The following SUV39H2 variants were observed in gnomAD, a reference collection of about 807,000 sequenced individuals.
The protein encoded by SUV39H2 is SUV39H2 histone lysine methyltransferase.
Under a neutral mutation model 47.5 loss-of-function variants are expected in SUV39H2, and 10 were observed. The ratio of observed to expected loss-of-function variants is 0.21; its 90% CI spans 0.13 to 0.36. SUV39H2 has a LOEUF of 0.36. SUV39H2 is among the 10% of genes least tolerant of loss of function. SUV39H2 has a pLI of 1.00. For missense variants in SUV39H2, 266 were observed against 487.4 expected, an observed-to-expected ratio of 0.55 and a Z score of 4.28; for synonymous variants, 159 against 166.8, an observed-to-expected ratio of 0.95 and a Z score of 0.36.
rs1006084833 is a variant in SUV39H2, at chr10:14,899,775, A to G, written c.996+90A>G. ...TAAAGAATAATTCCCTTTAAACTAC[A>G]TATCCTTTTAACATTTCCAAAATAT... On this transcript the variant is annotated intron_variant, in intron 4 of 5. Coordinates refer to ENST00000354919, the MANE Select transcript of SUV39H2 (RefSeq NM_001193424.2). 9 of 1,433,942 alleles carry G rather than the reference A, an allele frequency of 6.3e-6. No individual in the cohort carries two copies. In the Admixed American group the frequency reaches 1.8e-4, roughly 28 times the overall value. 88.8% of individuals were successfully genotyped at this position (1,433,942 alleles called of 1,614,324 possible).
At position 14,903,930 on chromosome 10, in the gene SUV39H2, A is replaced by G. The variant is rs1834183952; in HGVS notation, c.*1418A>G. ...GCTAGACTTTATTCATTATATTGCT[A>G]TGACAACTTCACTCTTTCATAATAT... On this transcript the variant is annotated 3_prime_UTR_variant, in exon 6 of 6. Coordinates refer to ENST00000354919, the MANE Select transcript of SUV39H2 (RefSeq NM_001193424.2). 6.6e-6 allele frequency: 1 copy of G among 152,192 alleles called. No individual in the cohort carries two copies. Among genetic ancestry groups the G allele is most frequent in the Admixed American group, 6.5e-5 (1 of 15,288 alleles). The allele number at this position is 152,192 out of a possible 1,614,324, so 9.4% of individuals were successfully genotyped here.
In SUV39H2 at chr10:14,893,811, G is replaced by A. The variant is rs568428936; in HGVS notation, c.178-3035G>A. 2.6e-5 allele frequency among the ~76,000 whole-genome samples: 4 copies of A among 152,284 alleles called. No homozygotes were observed. In the South Asian group the frequency reaches 8.3e-4, roughly 32 times the overall value. On this transcript the variant is annotated intron_variant, in intron 2 of 5. Transcript: ENST00000354919. ...CAAAACTTGGTCATTTAAAATGCAA[G>A]TGATTCACTAAGATTAAATACAATT...
In SUV39H2 at chr10:14,899,611, C is replaced by T. The variant is rs148667087; in HGVS notation, c.922C>T (p.Leu308=). 6.2e-4 allele frequency: 995 copies of T among 1,613,994 alleles called. No individual in the cohort carries two copies. The highest frequency in any genetic ancestry group is 8.3e-4 in the Non-Finnish European group (977 of 1,180,024). ...CAAGGGAATCACGTATCTCTTTGAT[C>T]TGGACTATGAGTCTGATGAATTCAC... is the stretch of plus-strand genomic sequence containing the variant. ...DNKGITYLFD[L]DYESDEFTVD... The change falls in exon 4 of 6, where the codon CTG becomes TTG. Residue 308 remains leucine (L), a synonymous_variant. Coordinates refer to ENST00000354919, the MANE Select transcript of SUV39H2 (RefSeq NM_001193424.2).
At chr10:14,890,030 T>TAA (rs1833338011) in intron 2 of SUV39H2, among the ~76,000 whole-genome samples, 1 of 152,216 alleles carries the variant, frequency 6.6e-6, no homozygotes, top group South Asian at 2.1e-4. Flanking sequence ...TTTGGTTTCT[T>TAA]AAAGTATACA....
chr10:14,899,750 T>C, intron 4 of SUV39H2, 65 bp downstream of exon 4: 1 of 1,549,108 alleles, frequency 6.5e-7, no homozygotes, highest in Non-Finnish European at 8.8e-7. Flanking sequence ...TTTCCATAGC[T>C]AAAGAATAAT....
chr10:14,895,983 G>A (rs1378643511), intron 2 of SUV39H2, among the ~76,000 whole-genome samples: 3 of 146,992 alleles, frequency 2.0e-5, no homozygotes, highest in African/African-American at 7.6e-5. Flanking sequence ...GCACTCTGTC[G>A]CCCACGCTGG....
intron 1 of SUV39H2, chr10:14,880,105 T>C (rs1444969235): frequency 6.6e-6 from 1 of 152,170 alleles, no homozygotes; most frequent in East Asian, 1.9e-4. Context: ...TTTTTGTAGA[T>C]GGAAGGGACT....
chr10:14,900,789 A>T (rs1833952755), intron 4 of SUV39H2, among the ~76,000 whole-genome samples: 1 of 152,158 alleles, frequency 6.6e-6, no homozygotes, highest in Admixed American at 6.5e-5. Context: ...TGAAATAGTT[A>T]CCAGTGAAAT....
At position 14,890,215 on chromosome 10, in the gene SUV39H2, G is replaced by C. The variant is rs149420393; in HGVS notation, c.178-6631G>C. On this transcript the variant is annotated intron_variant, in intron 2 of 5. Transcript: ENST00000354919. The stretch of plus-strand genomic sequence containing the variant: ...GTATTTGAGAGATCAGGAAATTACA[G>C]CTCTAAGAAAATACTTTAACAATCA... Among the ~76,000 whole-genome samples, 954 of 152,264 alleles carry C rather than the reference G, an allele frequency of 6.3e-3. 9 individuals are homozygous for C. The highest frequency in any genetic ancestry group is 0.022 in the African/African-American group (901 of 41,550).
At chr10:14,881,441 T>C in intron 1 of SUV39H2, 59 bp from the exon 2 acceptor site, 1 of 1,305,778 alleles carries the variant, frequency 7.7e-7, no homozygotes, top group Non-Finnish European at 9.8e-7. Context: ...TAAGTTTCTC[T>C]TTTTTGTTTT....
intron 2 of SUV39H2, among the ~76,000 whole-genome samples, chr10:14,881,858 G>A (rs1014050112): frequency 6.6e-6 from 1 of 152,192 alleles, no homozygotes; most frequent in African/African-American, 2.4e-5. Context: ...ATTTTCAGGT[G>A]CTCATATCCC....
chr10:14,889,617 T>A (rs575820196), intron 2 of SUV39H2, among the ~76,000 whole-genome samples: 79 of 152,324 alleles, frequency 5.2e-4, no homozygotes, highest in African/African-American at 1.7e-3. Context: ...AGTTAATGCC[T>A]GGTGGTTTCC....
chr10:14,880,122 G>A (rs1285113569), intron 1 of SUV39H2: 1 of 152,094 alleles, frequency 6.6e-6, no homozygotes, highest in Non-Finnish European at 1.5e-5. Flanking sequence ...GACTTAGGGG[G>A]TCATTTCTTT....
At chr10:14,886,507 G>C (rs1310692801) in intron 2 of SUV39H2, among the ~76,000 whole-genome samples, 1 of 152,200 alleles carries the variant, frequency 6.6e-6, no homozygotes, top group Admixed American at 6.5e-5. Context: ...CAGAACGGGT[G>C]TTTGGTCCAT....
intron 2 of SUV39H2, among the ~76,000 whole-genome samples, chr10:14,892,282 C>G (rs923275932): frequency 3.3e-5 from 5 of 152,154 alleles, no homozygotes; most frequent in African/African-American, 7.2e-5. Flanking sequence ...TCATGAAGCT[C>G]CCCTAGAGGC....
chr10:14,887,944 T>C (rs1833265492), intron 2 of SUV39H2, among the ~76,000 whole-genome samples: 1 of 152,122 alleles, frequency 6.6e-6, no homozygotes, highest in Non-Finnish European at 1.5e-5. Flanking sequence ...ACAGCCTGAC[T>C]TCAAGGAGTA....
chr10:14,881,749 T>C, intron 2 of SUV39H2, 104 bp downstream of exon 2: 2 of 1,080,012 alleles, frequency 1.9e-6, no homozygotes. Context: ...TTCTTAATGT[T>C]TAAAATTCTA....
intron 5 of SUV39H2, among the ~76,000 whole-genome samples, chr10:14,901,688 G>A (rs533068654): frequency 1.3e-5 from 2 of 152,034 alleles, no homozygotes; most frequent in Admixed American, 6.5e-5. Flanking sequence ...AAAACTAGCC[G>A]GGCGTGGTGG....
chr10:14,889,544 C>G (rs542215051), intron 2 of SUV39H2, among the ~76,000 whole-genome samples: 14 of 152,322 alleles, frequency 9.2e-5, no homozygotes, highest in African/African-American at 3.4e-4. Flanking sequence ...GTGCGTCTCT[C>G]TTTTCATGTC....
Sources: gnomAD v4.1 joint callset for allele counts (sites outside exome capture counted in the v4.1 genomes callset) on GRCh38, gnomAD v4.1.1 for gene constraint, MANE v1.5 for transcripts, NCBI Gene and HGNC (gene_info 2026-07-23, HGNC 2026-07-21) for gene names.